The following KCNIP4 variants were observed in gnomAD, a reference collection of about 807,000 sequenced individuals.
KCNIP4 encodes potassium voltage-gated channel interacting protein 4.
In KCNIP4, 12 loss-of-function variants were observed where a neutral mutation model predicts 34.0. That is an observed-to-expected ratio of 0.35 (90% CI 0.23 to 0.57). The LOEUF is 0.57. Ranked by LOEUF, KCNIP4 falls within the 20% of genes least tolerant of loss-of-function variation. The pLI, the probability that KCNIP4 is intolerant of heterozygous loss-of-function variation, is 0.83. For synonymous variants in KCNIP4, 124 were observed against 102.2 expected (o/e 1.21, Z -1.29); for missense variants, 238 against 311.7 (o/e 0.76, Z 1.78).
intron 1 of KCNIP4, among the ~76,000 whole-genome samples, chr4:21,529,655 T>C (rs577608431): frequency 6.6e-6 from 1 of 152,286 alleles, no homozygotes; most frequent in South Asian, 2.1e-4. Context: ...AATCCTTGGA[T>C]TCCATTTCAG....
At chr4:20,983,624 T>C (rs1736304129) in intron 1 of KCNIP4, among the ~76,000 whole-genome samples, 1 of 152,082 alleles carries the variant, frequency 6.6e-6, no homozygotes, top group African/African-American at 2.4e-5. Context: ...TGGTACAATA[T>C]CCCTTCCCTT....
intron 1 of KCNIP4, among the ~76,000 whole-genome samples, chr4:21,853,558 C>T (rs1437760322): frequency 1.3e-5 from 2 of 152,144 alleles, no homozygotes; most frequent in Non-Finnish European, 2.9e-5. Flanking sequence ...ACCCTCATGA[C>T]CCAATCACTT....
chr4:21,085,444 T>G (rs1746336524), intron 1 of KCNIP4, among the ~76,000 whole-genome samples: 1 of 152,208 alleles, frequency 6.6e-6, no homozygotes, highest in African/African-American at 2.4e-5. Flanking sequence ...TCTGCAGCCT[T>G]CTGTTCCTCT....
chr4:21,677,817 T>C (rs1215596958), intron 1 of KCNIP4, among the ~76,000 whole-genome samples: 2 of 152,198 alleles, frequency 1.3e-5, no homozygotes, highest in Admixed American at 1.3e-4. Flanking sequence ...CGGCACGATG[T>C]TGGCTCACTG....
rs1723553230 is a variant in KCNIP4, at chr4:21,839,579, T to C, written c.61+108992A>G. Among the ~76,000 whole-genome samples the C allele has an allele frequency of 3.3e-5, 5 of 152,022 alleles. No individual in the cohort carries two copies. The South Asian group carries it at 1.0e-3, about 32-fold the overall frequency. ...GACCAGCCTGACTAACATGGAGAAA[T>C]ACTGTCTCTACTAAAAATACAAAAT... is the stretch of plus-strand genomic sequence containing the variant. On this transcript the variant is annotated intron_variant, in intron 1 of 8. Coordinates refer to ENST00000382152, the MANE Select transcript of KCNIP4 (RefSeq NM_025221.6).
intron 1 of KCNIP4, among the ~76,000 whole-genome samples, chr4:21,156,710 A>G (rs1431963505): frequency 6.6e-6 from 1 of 152,136 alleles, no homozygotes; most frequent in Non-Finnish European, 1.5e-5. Flanking sequence ...TTCAGAGCCC[A>G]TGTTCTTAAC....
At chr4:20,823,533 T>C (rs1455845278) in intron 3 of KCNIP4, among the ~76,000 whole-genome samples, 1 of 152,058 alleles carries the variant, frequency 6.6e-6, no homozygotes, top group Non-Finnish European at 1.5e-5. Context: ...CCCTCATGAA[T>C]GGGATTAGTG....
intron 1 of KCNIP4, among the ~76,000 whole-genome samples, chr4:21,367,046 G>A (rs1300094293): frequency 6.6e-6 from 1 of 152,124 alleles, no homozygotes; most frequent in African/African-American, 2.4e-5. Flanking sequence ...CTCCTGCCAT[G>A]TGAGGACACA....
At chr4:21,661,086 G>A (rs1353652580) in intron 1 of KCNIP4, among the ~76,000 whole-genome samples, 1 of 152,096 alleles carries the variant, frequency 6.6e-6, no homozygotes, top group Non-Finnish European at 1.5e-5. Context: ...AAGAAGAGAG[G>A]AAGTGTCTGA....
intron 1 of KCNIP4, among the ~76,000 whole-genome samples, chr4:21,642,953 C>T (rs1198668584): frequency 6.6e-6 from 1 of 152,084 alleles, no homozygotes; most frequent in Non-Finnish European, 1.5e-5. Flanking sequence ...GGCAGGACTA[C>T]TAAAGGCCTA....
At chr4:21,656,364 G>A (rs1411402726) in intron 1 of KCNIP4, 1 of 152,134 alleles carries the variant, frequency 6.6e-6, no homozygotes, top group African/African-American at 2.4e-5. Flanking sequence ...TATCTTCAAT[G>A]ATCCTATATT....
At chr4:20,991,517 G>A (rs146121520) in intron 1 of KCNIP4, among the ~76,000 whole-genome samples, 1 of 152,154 alleles carries the variant, frequency 6.6e-6, no homozygotes. Context: ...ATACATAGAT[G>A]AATGGGGCCT....
intron 1 of KCNIP4, among the ~76,000 whole-genome samples, chr4:21,617,937 G>T (rs1303961067): frequency 1.3e-5 from 2 of 152,114 alleles, no homozygotes; most frequent in Non-Finnish European, 2.9e-5. Flanking sequence ...TACCTGACAG[G>T]TATTGAGAAA....
chr4:20,864,233 T>TACACATATGTATGTATATATGC (rs1722609247), intron 2 of KCNIP4, among the ~76,000 whole-genome samples: 2 of 144,084 alleles, frequency 1.4e-5, no homozygotes, highest in Non-Finnish European at 3.1e-5. Context: ...CATATATATG[T>TACACATATGTATGTATATATGC]ACACATATGT....
chr4:21,646,240 C>T (rs1747005628), intron 1 of KCNIP4, among the ~76,000 whole-genome samples: 1 of 152,132 alleles, frequency 6.6e-6, no homozygotes, highest in African/African-American at 2.4e-5. Context: ...ATATTGCTCC[C>T]AGTGAACTGA....
At chr4:21,629,830 T>C (rs1309208849) in intron 1 of KCNIP4, among the ~76,000 whole-genome samples, 1 of 135,068 alleles carries the variant, frequency 7.4e-6, no homozygotes, top group East Asian at 2.3e-4. Flanking sequence ...GAAAACCATA[T>C]TTCCTTTTCT....
At chr4:21,365,498 T>C (rs1287460824) in intron 1 of KCNIP4, among the ~76,000 whole-genome samples, 2 of 88,396 alleles carry the variant, frequency 2.3e-5, no homozygotes, top group Admixed American at 1.0e-4. Context: ...AATAAATAAA[T>C]AAATAAATAA....
In KCNIP4 at chr4:21,256,631, T is replaced by A. The variant is rs554375806; in HGVS notation, c.62-373922A>T. On this transcript the variant is annotated intron_variant, in intron 1 of 8. Coordinates refer to ENST00000382152, the MANE Select transcript of KCNIP4 (RefSeq NM_025221.6). ...AAAAAAAGAGAGATAAGTAAGAGAA[T>A]TTGGAGAGGTTTTGGATACCATGCT... Among the ~76,000 whole-genome samples the A allele has an allele frequency of 5.5e-4, 83 of 151,880 alleles. 1 individual carries two copies. Among genetic ancestry groups the A allele is most frequent in the African/African-American group, 1.6e-3 (66 of 41,430 alleles).
chr4:21,641,682 A>G (rs1428522423), intron 1 of KCNIP4, among the ~76,000 whole-genome samples: 1 of 152,170 alleles, frequency 6.6e-6, no homozygotes, highest in African/African-American at 2.4e-5. Flanking sequence ...GGACTTTAAT[A>G]ATCACATAGA....
Sources: allele counts gnomAD v4.1 joint callset (sites outside exome capture counted in the v4.1 genomes callset), GRCh38; gene constraint gnomAD v4.1.1; transcripts MANE v1.5; gene names NCBI Gene and HGNC (gene_info 2026-07-23, HGNC 2026-07-21).